MAGI1: variants seen among roughly 807,000 people sequenced by gnomAD.
The protein encoded by MAGI1 is membrane-associated guanylate kinase, WW and PDZ domain-containing protein 1.
MAGI1 carries 58 observed loss-of-function variants against 139.9 expected under a neutral mutation model. That is an observed-to-expected ratio of 0.41 (90% confidence interval 0.34 to 0.52). MAGI1 has a LOEUF of 0.52. Ranked by LOEUF, MAGI1 falls within the 20% of genes least tolerant of loss-of-function variation. The pLI is 0.12. For missense variants in MAGI1, 1,874 were observed against 1,901.6 expected (o/e 0.99, Z 0.27); for synonymous variants, 812 against 737.9 (o/e 1.10, Z -1.63).
chr3:65,977,168 T>C (rs2065306094), intron 1 of MAGI1, among the ~76,000 whole-genome samples: 1 of 152,132 alleles, frequency 6.6e-6, no homozygotes, highest in Middle Eastern at 3.2e-3. Context: ...ATCTCAACAT[T>C]GGAAAGGAGA....
chr3:65,390,760 C>G (rs530633600), intron 14 of MAGI1, among the ~76,000 whole-genome samples: 1 of 152,248 alleles, frequency 6.6e-6, no homozygotes, highest in African/African-American at 2.4e-5. Context: ...TTCTCATTAG[C>G]CCAAAATCCC....
intron 1 of MAGI1, among the ~76,000 whole-genome samples, chr3:66,028,093 C>A (rs2107584410): frequency 6.6e-6 from 1 of 152,246 alleles, no homozygotes; most frequent in Admixed American, 6.5e-5. Context: ...TCGCTTGAGC[C>A]CAGGAGCTCG....
At chr3:65,506,058 T>C (rs1377612372) in intron 2 of MAGI1, among the ~76,000 whole-genome samples, 1 of 152,168 alleles carries the variant, frequency 6.6e-6, no homozygotes, top group Non-Finnish European at 1.5e-5. Context: ...GTCGTTTTCC[T>C]AAAAATTGCA....
chr3:65,768,069 CAA>C (rs1368553723), intron 1 of MAGI1, among the ~76,000 whole-genome samples: 1 of 152,132 alleles, frequency 6.6e-6, no homozygotes, highest in East Asian at 1.9e-4. Flanking sequence ...TTAACACAAC[CAA>C]AATAGGCAAG....
intron 1 of MAGI1, among the ~76,000 whole-genome samples, chr3:65,925,816 A>G (rs2062472752): frequency 6.6e-6 from 1 of 152,080 alleles, no homozygotes; most frequent in Admixed American, 6.5e-5. Flanking sequence ...AGTAGCTAGG[A>G]CTACAGTCAC....
intron 1 of MAGI1, among the ~76,000 whole-genome samples, chr3:65,831,088 T>C (rs894849838): frequency 6.6e-6 from 1 of 152,194 alleles, no homozygotes; most frequent in African/African-American, 2.4e-5. Flanking sequence ...GATTCTGCAT[T>C]CTAAATTCAT....
intron 1 of MAGI1, among the ~76,000 whole-genome samples, chr3:65,794,015 A>G (rs1026095303): frequency 6.6e-6 from 1 of 152,096 alleles, no homozygotes; most frequent in Non-Finnish European, 1.5e-5. Context: ...TTTTCCTCGG[A>G]GCAAGACAGC....
At chr3:65,910,936 C>A (rs1187363739) in intron 1 of MAGI1, among the ~76,000 whole-genome samples, 4 of 128,732 alleles carry the variant, frequency 3.1e-5, no homozygotes, top group Non-Finnish European at 6.2e-5. Flanking sequence ...TGGCTCAATG[C>A]AACCTCTGCC....
intron 1 of MAGI1, among the ~76,000 whole-genome samples, chr3:65,689,026 A>T (rs1202263872): frequency 1.3e-5 from 2 of 152,144 alleles, no homozygotes; most frequent in African/African-American, 4.8e-5. Context: ...TGTGCCCCAA[A>T]TTGTCCTCAC....
At chr3:65,564,917 T>TA (rs1337005498) in intron 2 of MAGI1, among the ~76,000 whole-genome samples, 1 of 152,188 alleles carries the variant, frequency 6.6e-6, no homozygotes, top group African/African-American at 2.4e-5. Context: ...GGTGACAACT[T>TA]AGAGATGAGC....
At chr3:65,369,243 A>G (rs903980174) in intron 18 of MAGI1, among the ~76,000 whole-genome samples, 2 of 152,182 alleles carry the variant, frequency 1.3e-5, no homozygotes, top group Non-Finnish European at 2.9e-5. Context: ...CTAACATACA[A>G]TAATGCCAAG....
intron 1 of MAGI1, among the ~76,000 whole-genome samples, chr3:65,949,674 C>T (rs974609779): frequency 6.6e-6 from 1 of 152,190 alleles, no homozygotes; most frequent in Non-Finnish European, 1.5e-5. Context: ...AGTCTACTTA[C>T]TGGTAGGATC....
intron 1 of MAGI1, among the ~76,000 whole-genome samples, chr3:65,863,196 T>A (rs1456124797): frequency 6.6e-6 from 1 of 152,154 alleles, no homozygotes; most frequent in Non-Finnish European, 1.5e-5. Flanking sequence ...AAATACCATC[T>A]CCTCTGAGGA....
intron 1 of MAGI1, among the ~76,000 whole-genome samples, chr3:65,689,880 G>A (rs1020057702): frequency 6.6e-6 from 1 of 152,230 alleles, no homozygotes; most frequent in Non-Finnish European, 1.5e-5. Flanking sequence ...CTAAGGGCAA[G>A]TATACGGGAT....
chr3:65,787,035 G>C (rs1032281460), intron 1 of MAGI1, among the ~76,000 whole-genome samples: 3 of 152,074 alleles, frequency 2.0e-5, no homozygotes, highest in Non-Finnish European at 4.4e-5. Flanking sequence ...CATTTCATTA[G>C]AGGAAACCAG....
At chr3:65,546,014 A>ACACT (rs34391171) in intron 2 of MAGI1, among the ~76,000 whole-genome samples, 2,200 of 151,324 alleles carry the variant, frequency 0.015, 46 homozygotes, top group African/African-American at 0.05. Context: ...ACACACACAC[A>ACACT]CTCTCAAACT....
At chr3:65,531,424 G>A (rs752666599) in intron 2 of MAGI1, among the ~76,000 whole-genome samples, 38 of 152,096 alleles carry the variant, frequency 2.5e-4, no homozygotes, top group Non-Finnish European at 3.8e-4. Context: ...TACTATGCTT[G>A]CAACTTTATA....
intron 1 of MAGI1, among the ~76,000 whole-genome samples, chr3:65,754,031 T>C (rs552723224): frequency 2.0e-5 from 3 of 152,318 alleles, no homozygotes; most frequent in South Asian, 4.1e-4. Context: ...GTTATAATTA[T>C]ACAAAATCTT....
At chr3:65,929,957 G>A (rs961482686) in intron 1 of MAGI1, among the ~76,000 whole-genome samples, 1 of 152,074 alleles carries the variant, frequency 6.6e-6, no homozygotes, top group African/African-American at 2.4e-5. Flanking sequence ...TCCTTTATCA[G>A]CCAAAGAGGA....
Sources: gnomAD v4.1 joint callset for allele counts (sites outside exome capture counted in the v4.1 genomes callset) on GRCh38, gnomAD v4.1.1 for gene constraint, MANE v1.5 for transcripts, NCBI Gene and HGNC (gene_info 2026-07-23, HGNC 2026-07-21) for gene names.